Variants in AIG1 observed in about 807,000 individuals in gnomAD.
AIG1 encodes the protein androgen-induced gene 1 protein.
Under a neutral mutation model 31.4 loss-of-function variants are expected in AIG1, and 23 were observed. The observed-to-expected ratio is 0.73, with a 90% confidence interval of 0.53 to 1.04. AIG1 has a LOEUF of 1.04. Ranked by LOEUF, AIG1 falls within the 50% of genes least tolerant of loss-of-function variation. AIG1 has a pLI of 0.00. For synonymous variants in AIG1, 100 were observed against 110.5 expected (o/e 0.90, Z 0.60); for missense variants, 274 against 295.0 (o/e 0.93, Z 0.52).
Position 143,330,224 on chromosome 6 carries a change from A to G in AIG1, c.516-3058A>G, listed in dbSNP as rs1311242372. On this transcript the variant is annotated intron_variant, in intron 4 of 5. Coordinates refer to ENST00000357847, the MANE Select transcript of AIG1 (RefSeq NM_016108.4). The surrounding 1 kb of genome is among the most constrained non-coding windows in gnomAD (Gnocchi z 4.4). The stretch of plus-strand genomic sequence containing the variant: ...TTCCTTTGCTCATTGAATAGACAAT[A>G]AACAGACAAATAAAAATAAGTAGAG... 6.6e-6 allele frequency among the ~76,000 whole-genome samples: 1 copy of G among 152,230 alleles called. No individual in the cohort carries two copies. Among genetic ancestry groups the G allele is most frequent in the Non-Finnish European group, 1.5e-5 (1 of 68,046 alleles).
chr6:143,143,552 TATAC>T lies in AIG1; in HGVS notation c.297+6564_297+6567del, dbSNP rs1212846182. ...AAATATATATATATATATATATATATATACACACACACTTAATATCTTCTGATCC... is the reference window on the plus strand; with the variant it reads ...AAATATATATATATATATATATATATACACACACTTAATATCTTCTGATCC... On this transcript the variant is annotated intron_variant, in intron 2 of 5. Transcript: ENST00000357847. Among the ~76,000 whole-genome samples, 598 of 112,002 alleles carry T rather than the reference TATAC, an allele frequency of 5.3e-3. 17 individuals carry two copies. Among genetic ancestry groups the T allele is most frequent in the African/African-American group, 0.023 (548 of 23,646 alleles). 73.5% of individuals were successfully genotyped at this position (112,002 alleles called of 152,430 possible).
chr6:143,104,022 G>A (rs564670086), intron 1 of AIG1, among the ~76,000 whole-genome samples: 1 of 152,260 alleles, frequency 6.6e-6, no homozygotes, highest in Admixed American at 6.5e-5. Context: ...ATAGTGGTGG[G>A]GATGATGGGA....
At chr6:143,323,389 G>A (rs904891631) in intron 4 of AIG1, among the ~76,000 whole-genome samples, 4 of 152,020 alleles carry the variant, frequency 2.6e-5, no homozygotes, top group Admixed American at 2.6e-4. Flanking sequence ...GTACATTTGG[G>A]CTAGCTCCAC....
At chr6:143,131,009 C>T (rs1783182801) in intron 1 of AIG1, among the ~76,000 whole-genome samples, 1 of 152,090 alleles carries the variant, frequency 6.6e-6, no homozygotes, top group African/African-American at 2.4e-5. Context: ...TTACTTCAGC[C>T]TTCTTATGGT....
chr6:143,166,293 C>T (rs930234501), intron 3 of AIG1, among the ~76,000 whole-genome samples: 1 of 152,136 alleles, frequency 6.6e-6, no homozygotes, highest in East Asian at 1.9e-4. Context: ...TCAGCTGGGT[C>T]TTGTCAGTTC....
chr6:143,087,151 G>C (rs562794765), intron 1 of AIG1, among the ~76,000 whole-genome samples: 1 of 152,354 alleles, frequency 6.6e-6, no homozygotes, highest in South Asian at 2.1e-4. Flanking sequence ...AATAGCAAGT[G>C]AAAGTGGTCT....
chr6:143,084,610 T>C (rs1385740611), intron 1 of AIG1, among the ~76,000 whole-genome samples: 1 of 152,204 alleles, frequency 6.6e-6, no homozygotes, highest in African/African-American at 2.4e-5. Flanking sequence ...TTTTCTAATG[T>C]CTGCAGCTGA....
At chr6:143,164,482 T>C (rs1342585074) in intron 2 of AIG1, among the ~76,000 whole-genome samples, 2 of 152,226 alleles carry the variant, frequency 1.3e-5, no homozygotes, top group African/African-American at 2.4e-5. Flanking sequence ...GAATTAGGAA[T>C]CTTCCTTTAC....
intron 3 of AIG1, among the ~76,000 whole-genome samples, chr6:143,275,355 A>T (rs937551471): frequency 6.6e-6 from 1 of 152,092 alleles, no homozygotes; most frequent in Admixed American, 6.5e-5. Flanking sequence ...TCTCCAGCTT[A>T]ATCTTTCTAC....
At chr6:143,264,486 G>A (rs887375044) in intron 3 of AIG1, among the ~76,000 whole-genome samples, 16 of 152,308 alleles carry the variant, frequency 1.1e-4, no homozygotes, top group Middle Eastern at 3.4e-3. Context: ...GGTGCCTGGC[G>A]CTTGCAGGAA....
intron 1 of AIG1, among the ~76,000 whole-genome samples, chr6:143,069,344 G>C (rs1318914251): frequency 6.6e-6 from 1 of 152,192 alleles, no homozygotes; most frequent in Non-Finnish European, 1.5e-5. Flanking sequence ...ATACAATACT[G>C]TAAGTTTTGA....
At chr6:143,248,634 A>G (rs990833980) in intron 3 of AIG1, among the ~76,000 whole-genome samples, 1 of 152,174 alleles carries the variant, frequency 6.6e-6, no homozygotes, top group Non-Finnish European at 1.5e-5. Context: ...GCTGATGTAA[A>G]AGGCCAGCTC....
At chr6:143,100,527 T>A (rs1312440799) in intron 1 of AIG1, among the ~76,000 whole-genome samples, 1 of 152,338 alleles carries the variant, frequency 6.6e-6, no homozygotes, top group East Asian at 1.9e-4. Flanking sequence ...GAGTCATTTT[T>A]ATGAAAATGT....
rs946919485 is a variant in AIG1 at position 143,329,245 on chromosome 6, T to C, written c.516-4037T>C. ...TGCCTCATTTAGGGAAGCAAGTCCA[T>C]GCAGCAAAAAAGAAATCAGATGTGC... On this transcript the variant is annotated intron_variant, in intron 4 of 5. Transcript: ENST00000357847. The surrounding 1 kb of genome is among the most constrained non-coding windows in gnomAD (Gnocchi z 4.9). Among the ~76,000 whole-genome samples, 1 of 152,210 alleles carries C rather than the reference T, an allele frequency of 6.6e-6. No homozygotes were observed. The highest frequency in any genetic ancestry group is 2.4e-5 in the African/African-American group (1 of 41,476).
chr6:143,076,008 C>T (rs975904763), intron 1 of AIG1, among the ~76,000 whole-genome samples: 1 of 152,154 alleles, frequency 6.6e-6, no homozygotes, highest in African/African-American at 2.4e-5. Flanking sequence ...CATCATGTTA[C>T]ATATTCAGTG....
chr6:143,339,678 A>T lies in AIG1; in HGVS notation c.*2A>T. The T allele has an allele frequency of 6.2e-7, 1 of 1,613,304 alleles. No homozygotes were observed. The highest frequency in any genetic ancestry group is 8.5e-7 in the Non-Finnish European group (1 of 1,179,640). On this transcript the variant is annotated 3_prime_UTR_variant, in exon 6 of 6. Coordinates refer to ENST00000357847, the MANE Select transcript of AIG1 (RefSeq NM_016108.4). ...AAAGAAAAGCCTAAATTGGAATGAGATCCAAGTCTAAACGCAAGAGCTAGA... is the reference window on the plus strand; with the variant it reads ...AAAGAAAAGCCTAAATTGGAATGAGTTCCAAGTCTAAACGCAAGAGCTAGA...
intron 3 of AIG1, among the ~76,000 whole-genome samples, chr6:143,207,028 T>C (rs1337959206): frequency 6.6e-6 from 1 of 152,164 alleles, no homozygotes; most frequent in African/African-American, 2.4e-5. Context: ...ATAAGTAATA[T>C]AAATTCAAGA....
rs904478803 is a variant in AIG1 at position 143,197,545 on chromosome 6, C to G, written c.399+32362C>G. Among the ~76,000 whole-genome samples, 64 of 152,296 alleles carry G rather than the reference C, an allele frequency of 4.2e-4. 1 individual carries two copies. Among genetic ancestry groups the G allele is most frequent in the African/African-American group, 1.4e-3 (57 of 41,560 alleles). On this transcript the variant is annotated intron_variant, in intron 3 of 5. Coordinates refer to ENST00000357847, the MANE Select transcript of AIG1 (RefSeq NM_016108.4). ...ATTTCTCTTTTTCTTGGGCACTCAA[C>G]CAGAATATATTTTTCAGCATCCCCT...
chr6:143,114,025 C>T (rs759331240), intron 1 of AIG1, among the ~76,000 whole-genome samples: 5 of 152,150 alleles, frequency 3.3e-5, no homozygotes, highest in East Asian at 1.9e-4. Flanking sequence ...CCGCCTGCCT[C>T]GACCTCCCAA....
Sources: allele counts gnomAD v4.1 joint callset (sites outside exome capture counted in the v4.1 genomes callset), GRCh38; gene constraint gnomAD v4.1.1; non-coding constraint Gnocchi (gnomAD v3.1); transcripts MANE v1.5; gene names NCBI Gene and HGNC (gene_info 2026-07-23, HGNC 2026-07-21).